The following ANO6 variants were observed in gnomAD, a reference collection of about 807,000 sequenced individuals.
ANO6 encodes the protein anoctamin-6.
A neutral mutation model predicts 117.5 loss-of-function variants in ANO6; 106 were observed. The ratio of observed to expected loss-of-function variants is 0.90; its 90% confidence interval spans 0.77 to 1.06. The LOEUF is 1.06. Ranked by LOEUF, ANO6 falls within the 50% of genes least tolerant of loss-of-function variation. ANO6 has a pLI of 0.00. For synonymous variants in ANO6, 367 were observed against 385.1 expected (o/e 0.95, Z 0.55); for missense variants, 955 against 1,121.1 (o/e 0.85, Z 2.12).
intron 1 of ANO6, among the ~76,000 whole-genome samples, chr12:45,239,788 G>T (rs1947709601): frequency 6.6e-6 from 1 of 152,136 alleles, no homozygotes; most frequent in Admixed American, 6.5e-5. Context: ...TACGTACCCA[G>T]TAATTCAGGA....
chr12:45,379,420 G>A (rs1224920072), intron 10 of ANO6, among the ~76,000 whole-genome samples: 1 of 152,142 alleles, frequency 6.6e-6, no homozygotes, highest in Non-Finnish European at 1.5e-5. Flanking sequence ...AGCATGTTTT[G>A]GCTGGAGACC....
intron 1 of ANO6, among the ~76,000 whole-genome samples, chr12:45,274,752 C>T (rs1376618151): frequency 6.6e-6 from 1 of 150,770 alleles, no homozygotes; most frequent in African/African-American, 2.5e-5. Flanking sequence ...TGTGCTCTAG[C>T]CACACCTGTC....
At chr12:45,413,774 A>G (rs1943146781) in intron 16 of ANO6, among the ~76,000 whole-genome samples, 1 of 150,824 alleles carries the variant, frequency 6.6e-6, no homozygotes, top group African/African-American at 2.5e-5. Context: ...CAGAGGGGGA[A>G]GAAAGGAAGA....
chr12:45,375,919 A>G (rs1593034465), intron 9 of ANO6, among the ~76,000 whole-genome samples: 2 of 148,828 alleles, frequency 1.3e-5, no homozygotes, highest in African/African-American at 2.5e-5. Flanking sequence ...TGAACAGGCA[A>G]CCTACAGAAT....
intron 3 of ANO6, among the ~76,000 whole-genome samples, chr12:45,337,933 GA>G (rs34043119): frequency 3.3e-5 from 5 of 151,510 alleles, no homozygotes; most frequent in Admixed American, 2.6e-4. Context: ...GAGGGAAGTG[GA>G]AAAAAAGTAT....
intron 2 of ANO6, among the ~76,000 whole-genome samples, chr12:45,327,460 T>C (rs1280932226): frequency 6.6e-6 from 1 of 152,216 alleles, no homozygotes; most frequent in Non-Finnish European, 1.5e-5. Context: ...TGTGCACAGA[T>C]ACATATGTAC....
chr12:45,363,605 T>C (rs541267694), intron 8 of ANO6, among the ~76,000 whole-genome samples: 1 of 151,880 alleles, frequency 6.6e-6, no homozygotes, highest in East Asian at 1.9e-4. Context: ...TCTGTGTTTC[T>C]GGTAGGGCAG....
At chr12:45,318,473 A>G (rs1228484170) in intron 2 of ANO6, among the ~76,000 whole-genome samples, 2 of 152,052 alleles carry the variant, frequency 1.3e-5, no homozygotes, top group Non-Finnish European at 2.9e-5. Context: ...GTTCTGTTCC[A>G]TTGGTCGATA....
At chr12:45,224,913 G>A (rs992651777) in intron 1 of ANO6, among the ~76,000 whole-genome samples, 6 of 152,110 alleles carry the variant, frequency 3.9e-5, no homozygotes, top group Admixed American at 2.0e-4. Flanking sequence ...ATAAAGGGCC[G>A]GACATGATGG....
At chr12:45,236,873 T>C (rs905934069) in intron 1 of ANO6, among the ~76,000 whole-genome samples, 24 of 152,164 alleles carry the variant, frequency 1.6e-4, no homozygotes, top group African/African-American at 5.3e-4. Context: ...TATTTCTCCA[T>C]ATCCTCTCCA....
At chr12:45,249,272 A>C (rs1372867708) in intron 1 of ANO6, among the ~76,000 whole-genome samples, 1 of 152,256 alleles carries the variant, frequency 6.6e-6, no homozygotes, top group African/African-American at 2.4e-5. Flanking sequence ...TCTAGGAAAT[A>C]GTATGTTACA....
chr12:45,268,657 T>C (rs1285535760), intron 1 of ANO6, among the ~76,000 whole-genome samples: 3 of 152,186 alleles, frequency 2.0e-5, no homozygotes, highest in Admixed American at 2.0e-4. Context: ...CCTTCCTGTT[T>C]ATTGGTCTTT....
At chr12:45,287,253 A>G (rs1436134525) in intron 1 of ANO6, among the ~76,000 whole-genome samples, 1 of 152,150 alleles carries the variant, frequency 6.6e-6, no homozygotes, top group Non-Finnish European at 1.5e-5. Flanking sequence ...AGAGAATGCT[A>G]CCTAAGGCCG....
At chr12:45,409,581 G>A in intron 16 of ANO6, 94 bp downstream of exon 16, 1 of 1,410,956 alleles carries the variant, frequency 7.1e-7, no homozygotes, top group Non-Finnish European at 9.9e-7. Flanking sequence ...TTAACATTTA[G>A]CATATTGAAA....
At chr12:45,438,169 T>C (rs1252618745) in intron 19 of ANO6, among the ~76,000 whole-genome samples, 1 of 152,102 alleles carries the variant, frequency 6.6e-6, no homozygotes, top group African/African-American at 2.4e-5. Context: ...TTCCTAGTTG[T>C]CCATCCTGGG....
At chr12:45,235,546 G>A (rs1947632741) in intron 1 of ANO6, among the ~76,000 whole-genome samples, 1 of 152,166 alleles carries the variant, frequency 6.6e-6, no homozygotes, top group African/African-American at 2.4e-5. Flanking sequence ...CAGGGCTGAG[G>A]AATGACCTAG....
intron 9 of ANO6, among the ~76,000 whole-genome samples, chr12:45,370,165 C>G (rs1941786905): frequency 6.6e-6 from 1 of 152,248 alleles, no homozygotes; most frequent in Admixed American, 6.5e-5. Flanking sequence ...AGGCTTCTTA[C>G]CCAGTAAGCT....
At chr12:45,298,249 G>A (rs1939360517) in intron 1 of ANO6, among the ~76,000 whole-genome samples, 1 of 152,126 alleles carries the variant, frequency 6.6e-6, no homozygotes. Flanking sequence ...TAGTACTTTT[G>A]CTGTATAAGG....
chr12:45,396,264 A>G (rs980636682), intron 12 of ANO6, among the ~76,000 whole-genome samples: 1 of 152,184 alleles, frequency 6.6e-6, no homozygotes, highest in Non-Finnish European at 1.5e-5. Context: ...AGAATAAAAT[A>G]CCTAGGAATC....
Sources: gnomAD v4.1 joint callset for allele counts (sites outside exome capture counted in the v4.1 genomes callset) on GRCh38, gnomAD v4.1.1 for gene constraint, MANE v1.5 for transcripts, NCBI Gene and HGNC (gene_info 2026-07-23, HGNC 2026-07-21) for gene names.